Variants in KYNU observed in about 807,000 individuals in gnomAD.
KYNU encodes kynureninase.
Under a neutral mutation model 59.2 loss-of-function variants are expected in KYNU, and 54 were observed. The observed-to-expected ratio is 0.91, with a 90% CI of 0.73 to 1.14. The LOEUF is 1.14. Ranked by LOEUF, KYNU falls within the 50% of genes most tolerant of loss-of-function variation. The pLI is 0.00. For missense variants in KYNU, 567 were observed against 554.4 expected, an observed-to-expected ratio of 1.02 and a Z score of -0.23; for synonymous variants, 177 against 192.0, an observed-to-expected ratio of 0.92 and a Z score of 0.65.
intron 4 of KYNU, among the ~76,000 whole-genome samples, chr2:142,942,195 G>A (rs1051753191): frequency 1.3e-5 from 2 of 149,480 alleles, no homozygotes; most frequent in South Asian, 2.1e-4. Flanking sequence ...AAAGAAAAAT[G>A]TGTAACTTCA....
intron 8 of KYNU, among the ~76,000 whole-genome samples, chr2:142,983,814 T>C (rs1685118690): frequency 6.6e-6 from 1 of 152,072 alleles, no homozygotes. Context: ...ACAAACTATG[T>C]TTTCTTTAAA....
At position 143,042,399 on chromosome 2, in the gene KYNU, G is replaced by C; in HGVS notation, c.*227G>C. The stretch of plus-strand genomic sequence containing the variant: ...TGTTTGGGGGACCAAAACTGTGTTG[G>C]TTCAAGTATTATCTATACAGTCTCT... On this transcript the variant is annotated 3_prime_UTR_variant, in exon 14 of 14. Transcript: ENST00000264170. 1 of 457,436 alleles carries C rather than the reference G, an allele frequency of 2.2e-6. No individual in the cohort carries two copies. The highest frequency in any genetic ancestry group is 4.0e-6 in the Non-Finnish European group (1 of 252,012). 28.3% of individuals were successfully genotyped at this position (457,436 alleles called of 1,614,324 possible).
chr2:142,904,456 C>T (rs1011114132), intron 2 of KYNU, among the ~76,000 whole-genome samples: 6 of 152,214 alleles, frequency 3.9e-5, no homozygotes, highest in African/African-American at 1.2e-4. Context: ...GATCACCAAA[C>T]TCTCAGGCTG....
intron 10 of KYNU, among the ~76,000 whole-genome samples, chr2:142,991,203 C>T (rs546982760): frequency 2.6e-5 from 4 of 151,860 alleles, no homozygotes; most frequent in Non-Finnish European, 5.9e-5. Flanking sequence ...TATGCTTTTC[C>T]AGGCAACAGT....
intron 1 of KYNU, among the ~76,000 whole-genome samples, chr2:142,883,543 A>T (rs1274122015): frequency 6.6e-6 from 1 of 151,688 alleles, no homozygotes; most frequent in African/African-American, 2.4e-5. Context: ...TTTGCATATC[A>T]CAGTTTGTCA....
At chr2:142,919,882 A>AC (rs1474453112) in intron 3 of KYNU, among the ~76,000 whole-genome samples, 45 of 152,122 alleles carry the variant, frequency 3.0e-4, no homozygotes, top group African/African-American at 1.0e-3. Flanking sequence ...GACCAGTCTG[A>AC]CCAACATGGT....
intron 10 of KYNU, among the ~76,000 whole-genome samples, chr2:143,022,457 C>T (rs1261190898): frequency 2.0e-5 from 3 of 151,900 alleles, no homozygotes; most frequent in African/African-American, 7.2e-5. Context: ...ATTTTTAAGA[C>T]TGAATATGTA....
intron 10 of KYNU, among the ~76,000 whole-genome samples, chr2:143,000,600 A>G (rs1413456287): frequency 1.3e-5 from 2 of 152,178 alleles, no homozygotes; most frequent in African/African-American, 2.4e-5. Context: ...GAAATGTTAC[A>G]TATCCTTTTG....
chr2:143,049,382 C>T lies in KYNU; in HGVS notation c.*7210C>T, dbSNP rs1262585461. 1 of 152,108 alleles carries T rather than the reference C, an allele frequency of 6.6e-6. No homozygotes were observed. Among genetic ancestry groups the T allele is most frequent in the African/African-American group, 2.4e-5 (1 of 41,402 alleles). 9.4% of individuals were successfully genotyped at this position (152,108 alleles called of 1,614,324 possible). ...TGTTTTGCCTGGTGGCTGCCACCAA[C>T]GCTTTTAGCTACCTCCCTCCTCAAA... On this transcript the variant is annotated 3_prime_UTR_variant, in exon 14 of 14. Transcript: ENST00000264170.
intron 4 of KYNU, among the ~76,000 whole-genome samples, chr2:142,952,457 T>A (rs1377893423): frequency 1.3e-5 from 2 of 152,180 alleles, no homozygotes; most frequent in African/African-American, 4.8e-5. Flanking sequence ...TTTTGCTTTT[T>A]TTTAGATGCA....
intron 8 of KYNU, among the ~76,000 whole-genome samples, chr2:142,977,158 G>A (rs1684912623): frequency 6.6e-6 from 1 of 152,002 alleles, no homozygotes; most frequent in South Asian, 2.1e-4. Flanking sequence ...GCTTGAACTA[G>A]CTTCTCAGGT....
intron 4 of KYNU, among the ~76,000 whole-genome samples, chr2:142,939,602 C>CAAAAAAAAAAAAAAAAAAAAAAAAAA (rs71301737): frequency 3.1e-5 from 2 of 65,110 alleles, no homozygotes; most frequent in Non-Finnish European, 5.7e-5. Context: ...CTCCATCTCA[C>CAAAAAAAAAAAAAAAAAAAAAAAAAA]AAAAAAAAAA....
At chr2:142,918,104 C>A (rs1018061915) in intron 2 of KYNU, among the ~76,000 whole-genome samples, 1 of 151,978 alleles carries the variant, frequency 6.6e-6, no homozygotes, top group East Asian at 1.9e-4. Context: ...ACTATGTGTA[C>A]GTGTGTATGG....
At chr2:142,896,808 A>G (rs921949911) in intron 2 of KYNU, among the ~76,000 whole-genome samples, 2 of 152,210 alleles carry the variant, frequency 1.3e-5, no homozygotes, top group African/African-American at 4.8e-5. Flanking sequence ...TATGCATTTC[A>G]GCGTACAAGT....
At chr2:142,953,518 ATCT>A (rs1684064246) in intron 4 of KYNU, among the ~76,000 whole-genome samples, 1 of 152,324 alleles carries the variant, frequency 6.6e-6, no homozygotes, top group Admixed American at 6.5e-5. Context: ...TTTCAAAGAA[ATCT>A]TCTCTTTGAA....
At chr2:142,890,867 G>T (rs1187745592) in intron 2 of KYNU, among the ~76,000 whole-genome samples, 1 of 152,252 alleles carries the variant, frequency 6.6e-6, no homozygotes, top group South Asian at 2.1e-4. Context: ...ACAACCGTTG[G>T]AGATAGTTTT....
chr2:142,984,704 AT>A (rs1685149369), intron 8 of KYNU, among the ~76,000 whole-genome samples: 1 of 152,132 alleles, frequency 6.6e-6, no homozygotes. Flanking sequence ...TCACAAGGAT[AT>A]TTTCACATGA....
At chr2:142,925,159 T>A (rs1683008744) in intron 3 of KYNU, among the ~76,000 whole-genome samples, 1 of 152,214 alleles carries the variant, frequency 6.6e-6, no homozygotes. Context: ...CATGGAGCTC[T>A]ATGTGATGAA....
intron 2 of KYNU, among the ~76,000 whole-genome samples, chr2:142,901,120 G>T (rs1682068721): frequency 6.6e-6 from 1 of 150,466 alleles, no homozygotes; most frequent in South Asian, 2.1e-4. Flanking sequence ...TTATTTTTTT[G>T]ACACACTTCA....
Sources: allele counts gnomAD v4.1 joint callset (sites outside exome capture counted in the v4.1 genomes callset), GRCh38; gene constraint gnomAD v4.1.1; transcripts MANE v1.5; gene names NCBI Gene and HGNC (gene_info 2026-07-23, HGNC 2026-07-21).